The following DMD variants were observed in gnomAD, a reference collection of about 807,000 sequenced individuals.
DMD encodes dystrophin.
Under a neutral mutation model 330.1 loss-of-function variants are expected in DMD, and 63 were observed. The ratio of observed to expected loss-of-function variants is 0.19; its 90% CI spans 0.16 to 0.24. The LOEUF (loss-of-function observed/expected upper bound fraction) is 0.24. Among genes scored for constraint, DMD ranks in the 10% least tolerant of loss-of-function variants. The pLI is 1.00. For missense variants in DMD, 3,344 were observed against 2,684.1 expected (o/e 1.25, Z -5.43); for synonymous variants, 1,223 against 959.8 (o/e 1.27, Z -5.07).
At chrX:33,055,001 AT>A (rs1166506865) in intron 1 of DMD, among the ~76,000 whole-genome samples, 2 of 111,920 alleles carry the variant, frequency 1.8e-5, no homozygotes, top group African/African-American at 6.5e-5. Context: ...TTGGTTGGAT[AT>A]AAAAATCTGA....
At chrX:32,487,716 A>C (rs2042617475) in intron 20 of DMD, among the ~76,000 whole-genome samples, 1 of 110,899 alleles carries the variant, frequency 9.0e-6, no homozygotes, top group Non-Finnish European at 1.9e-5. Context: ...TAATGGTATG[A>C]GCTGATTCAG....
chrX:31,212,331 GAC>G (rs1187313413), intron 64 of DMD, among the ~76,000 whole-genome samples: 2 of 109,769 alleles, frequency 1.8e-5, no homozygotes, highest in Admixed American at 9.8e-5. Flanking sequence ...GAAGAACAGG[GAC>G]CATGTGGTGG....
intron 62 of DMD, among the ~76,000 whole-genome samples, chrX:31,321,356 G>A (rs1452986578): frequency 2.7e-5 from 3 of 109,168 alleles, no homozygotes; most frequent in African/African-American, 6.7e-5. Context: ...AGGCCGAGGC[G>A]GGTGGATCAC....
chrX:31,155,421 C>T (rs772593629), intron 74 of DMD, among the ~76,000 whole-genome samples: 3 of 112,299 alleles, frequency 2.7e-5, no homozygotes, highest in South Asian at 3.7e-4. Flanking sequence ...AGCATGAGCA[C>T]ACACAGGGAT....
intron 1 of DMD, among the ~76,000 whole-genome samples, chrX:33,210,568 A>G (rs2051843239): frequency 9.0e-6 from 1 of 111,515 alleles, no homozygotes; most frequent in African/African-American, 3.2e-5. Flanking sequence ...TGACTTTACT[A>G]CTAAATATAA....
chrX:31,446,048 C>A (rs1394746173), intron 59 of DMD, among the ~76,000 whole-genome samples: 1 of 111,743 alleles, frequency 8.9e-6, no homozygotes, highest in Non-Finnish European at 1.9e-5. Context: ...CCATTGGTTA[C>A]ACTGACCTCA....
intron 43 of DMD, among the ~76,000 whole-genome samples, chrX:32,218,002 G>A (rs2097119565): frequency 9.0e-6 from 1 of 111,449 alleles, no homozygotes; most frequent in Middle Eastern, 4.2e-3. Context: ...GAATACTGCA[G>A]GAACTTAGTA....
At chrX:32,199,194 A>G (rs960606783) in intron 44 of DMD, among the ~76,000 whole-genome samples, 3 of 111,835 alleles carry the variant, frequency 2.7e-5, no homozygotes, top group African/African-American at 9.8e-5. Flanking sequence ...TGGCCAAGAT[A>G]CCTACTATAA....
At chrX:33,229,722 C>T (rs1336112172) in intron 1 of DMD, among the ~76,000 whole-genome samples, 1 of 111,299 alleles carries the variant, frequency 9.0e-6, no homozygotes, top group Non-Finnish European at 1.9e-5. Context: ...TCTTCTTTGT[C>T]AAGATTGTAT....
At chrX:32,472,383 G>A in intron 21 of DMD, 74 bp from the exon 22 acceptor site, 1 of 1,028,415 alleles carries the variant, frequency 9.7e-7, no homozygotes, top group South Asian at 2.0e-5. Flanking sequence ...TAAATTGTCA[G>A]CAAACTCAAT....
intron 54 of DMD, among the ~76,000 whole-genome samples, chrX:31,642,244 C>T (rs2079812838): frequency 9.0e-6 from 1 of 111,725 alleles, no homozygotes; most frequent in African/African-American, 3.2e-5. Context: ...CAGAAATAAG[C>T]TTTAGTGAAA....
chrX:32,965,530 C>T (rs2092117766), intron 2 of DMD, among the ~76,000 whole-genome samples: 1 of 105,537 alleles, frequency 9.5e-6, no homozygotes, highest in Non-Finnish European at 1.9e-5. Context: ...GGGGGGGTTA[C>T]TTGGGAATAC....
intron 8 of DMD, 33 bp from the exon 9 acceptor site, chrX:32,698,031 A>G (rs1264726949): frequency 8.6e-7 from 1 of 1,168,755 alleles, no homozygotes; most frequent in Non-Finnish European, 1.1e-6. Flanking sequence ...GTGGATAGAG[A>G]GGAGGGGGAA....
chrX:32,051,276 T>C, intron 44 of DMD, among the ~76,000 whole-genome samples: 1 of 110,715 alleles, frequency 9.0e-6, no homozygotes, highest in Non-Finnish European at 1.9e-5. Context: ...TTTAATAATA[T>C]GAAAGCTGAT....
intron 4 of DMD, among the ~76,000 whole-genome samples, chrX:32,840,698 G>A (rs1435330848): frequency 8.9e-6 from 1 of 111,889 alleles, no homozygotes; most frequent in Non-Finnish European, 1.9e-5. Flanking sequence ...GGTATAATTT[G>A]TCTGATTTAT....
intron 47 of DMD, among the ~76,000 whole-genome samples, chrX:31,882,624 A>G (rs1246937796): frequency 8.9e-6 from 1 of 112,135 alleles, no homozygotes; most frequent in African/African-American, 3.2e-5. Context: ...CGCAATGCAT[A>G]GATCTGACAA....
At chrX:31,379,861 C>G (rs2060072556) in intron 60 of DMD, among the ~76,000 whole-genome samples, 1 of 111,714 alleles carries the variant, frequency 9.0e-6, no homozygotes, top group African/African-American at 3.3e-5. Context: ...GTGGAGGACC[C>G]CACTGAAAAT....
chrX:32,783,767 G>A (rs767713035), intron 7 of DMD, among the ~76,000 whole-genome samples: 22 of 111,095 alleles, frequency 2.0e-4, no homozygotes, highest in Admixed American at 1.9e-3. Flanking sequence ...AGGAACTTAA[G>A]CATCCACAGA....
chrX:32,901,913 T>C (rs2149302150), intron 2 of DMD, among the ~76,000 whole-genome samples: 1 of 110,260 alleles, frequency 9.1e-6, no homozygotes, highest in East Asian at 2.8e-4. Context: ...ACACCCTTAA[T>C]CTTTGGCTTT....
Sources: gnomAD v4.1 joint callset for allele counts (sites outside exome capture counted in the v4.1 genomes callset) on GRCh38, gnomAD v4.1.1 for gene constraint, MANE v1.5 for transcripts, NCBI Gene and HGNC (gene_info 2026-07-23, HGNC 2026-07-21) for gene names.